Variants in CDH8 observed in about 807,000 individuals in gnomAD.
CDH8 encodes the protein cadherin-8.
In CDH8, 17 loss-of-function variants were observed where a neutral mutation model predicts 68.1. The observed-to-expected ratio is 0.25, with a 90% CI of 0.17 to 0.37. The LOEUF (loss-of-function observed/expected upper bound fraction) is 0.37, where lower values mean the gene tolerates loss of function less well. Ranked by LOEUF, CDH8 falls within the 10% of genes least tolerant of loss-of-function variation. The pLI is 1.00. For synonymous variants in CDH8, 372 were observed against 365.1 expected (o/e 1.02, Z -0.21); for missense variants, 763 against 999.3 (o/e 0.76, Z 3.19).
intron 10 of CDH8, among the ~76,000 whole-genome samples, chr16:61,700,037 G>A (rs1310704682): frequency 6.6e-6 from 1 of 152,006 alleles, no homozygotes; most frequent in East Asian, 1.9e-4. Flanking sequence ...AAGTTTTATT[G>A]TATTTAATTG....
chr16:61,939,419 T>C (rs1049966392), intron 2 of CDH8, among the ~76,000 whole-genome samples: 16 of 152,188 alleles, frequency 1.1e-4, no homozygotes, highest in African/African-American at 3.9e-4. Flanking sequence ...TGGGGAAGCA[T>C]TATTTTTCCT....
chr16:61,810,763 C>G (rs554288578), intron 7 of CDH8, among the ~76,000 whole-genome samples: 1 of 152,206 alleles, frequency 6.6e-6, no homozygotes, highest in South Asian at 2.1e-4. Flanking sequence ...GTAGCTCACG[C>G]CTGTAATCCA....
At chr16:62,005,371 G>C (rs146796695) in intron 2 of CDH8, among the ~76,000 whole-genome samples, 5 of 152,270 alleles carry the variant, frequency 3.3e-5, no homozygotes, top group Admixed American at 2.0e-4. Flanking sequence ...CTATGTTAAA[G>C]AGTACCATCT....
intron 3 of CDH8, among the ~76,000 whole-genome samples, chr16:61,872,412 G>T (rs529747229): frequency 1.8e-4 from 28 of 152,242 alleles, no homozygotes; most frequent in Non-Finnish European, 3.7e-4. Flanking sequence ...AATCCAGAAA[G>T]GTGGGACAAC....
At chr16:61,914,399 G>C (rs1054406839) in intron 2 of CDH8, among the ~76,000 whole-genome samples, 2 of 152,152 alleles carry the variant, frequency 1.3e-5, no homozygotes, top group African/African-American at 4.8e-5. Context: ...TGGTAGGTGG[G>C]ATAGTATCCA....
intron 2 of CDH8, among the ~76,000 whole-genome samples, chr16:61,945,275 C>A (rs1328817484): frequency 1.3e-5 from 2 of 152,070 alleles, no homozygotes; most frequent in East Asian, 1.9e-4. Context: ...GAAATGCACT[C>A]TATCTTTGTT....
chr16:61,816,346 AC>A (rs1043369621), intron 7 of CDH8, among the ~76,000 whole-genome samples: 92 of 152,314 alleles, frequency 6.0e-4, no homozygotes, highest in African/African-American at 2.2e-3. Context: ...CTTGTGAGTA[AC>A]AGGAATTTAA....
chr16:61,929,417 T>C (rs188525762), intron 2 of CDH8, among the ~76,000 whole-genome samples: 3 of 152,254 alleles, frequency 2.0e-5, no homozygotes, highest in African/African-American at 7.2e-5. Flanking sequence ...TTGGGCTAGG[T>C]GTTTTCATTC....
intron 10 of CDH8, among the ~76,000 whole-genome samples, chr16:61,661,714 A>T (rs540989392): frequency 6.6e-6 from 1 of 151,778 alleles, no homozygotes; most frequent in Non-Finnish European, 1.5e-5. Flanking sequence ...GCCTAAGGCA[A>T]TCAGAAGAAA....
chr16:61,982,175 A>G (rs1335961970), intron 2 of CDH8, among the ~76,000 whole-genome samples: 2 of 152,134 alleles, frequency 1.3e-5, no homozygotes, highest in Non-Finnish European at 2.9e-5. Flanking sequence ...ATATTCCCTG[A>G]GCAAGAAACA....
intron 9 of CDH8, among the ~76,000 whole-genome samples, chr16:61,724,769 GAGTC>G (rs1959298557): frequency 6.6e-6 from 1 of 150,876 alleles, no homozygotes; most frequent in Admixed American, 6.6e-5. Context: ...GTTCCATAGT[GAGTC>G]AGTCATTTGT....
At chr16:61,905,236 G>A (rs1035999893) in intron 2 of CDH8, among the ~76,000 whole-genome samples, 4 of 152,258 alleles carry the variant, frequency 2.6e-5, no homozygotes, top group Non-Finnish European at 5.9e-5. Context: ...TCAGCTGGCT[G>A]TAGTACAATA....
At chr16:61,685,404 T>G (rs1964088234) in intron 10 of CDH8, among the ~76,000 whole-genome samples, 1 of 151,846 alleles carries the variant, frequency 6.6e-6, no homozygotes. Context: ...AATCAACCAT[T>G]CAGATATCTG....
At position 61,647,471 on chromosome 16, in the gene CDH8, G is replaced by C. The variant is rs952189590; in HGVS notation, c.*6137C>G. On this transcript the variant is annotated 3_prime_UTR_variant, in exon 12 of 12. Transcript: ENST00000577390. ...AAAGCAGAGTAACGTTGGAAAGGTGGGGGGGGTGATCCCAGTGACTCCTAA... is the reference window on the plus strand; with the variant it reads ...AAAGCAGAGTAACGTTGGAAAGGTGCGGGGGGTGATCCCAGTGACTCCTAA... 3.1e-4 allele frequency: 29 copies of C among 92,692 alleles called. 1 individual carries two copies. The highest frequency in any genetic ancestry group is 3.5e-4 in the African/African-American group (1 of 2,864). The allele number at this position is 92,692 out of a possible 1,614,324, so 5.7% of individuals were successfully genotyped here. A position where few individuals can be genotyped will look rare whatever the true frequency, so the allele number is the denominator to read the frequency against.
chr16:61,963,907 G>A (rs1965201398), intron 2 of CDH8, among the ~76,000 whole-genome samples: 1 of 152,124 alleles, frequency 6.6e-6, no homozygotes, highest in African/African-American at 2.4e-5. Flanking sequence ...AAAAGAAGCA[G>A]CCAATGGCAA....
intron 10 of CDH8, among the ~76,000 whole-genome samples, chr16:61,699,893 G>A (rs1304962583): frequency 2.0e-5 from 3 of 152,034 alleles, no homozygotes; most frequent in Non-Finnish European, 4.4e-5. Context: ...CATTATTCTT[G>A]TACTGAAGTT....
chr16:61,791,301 G>A (rs1467400812), intron 7 of CDH8, among the ~76,000 whole-genome samples: 1 of 151,874 alleles, frequency 6.6e-6, no homozygotes, highest in Admixed American at 6.6e-5. Context: ...ATGAGGATGT[G>A]TTTATTGCAA....
chr16:61,678,849 A>G (rs12445277), intron 10 of CDH8, among the ~76,000 whole-genome samples: 4,977 of 152,110 alleles, frequency 0.033, 340 homozygotes, highest in East Asian at 0.27. Flanking sequence ...TGGCTTCTTT[A>G]TCTTCGACCA....
chr16:61,687,552 A>G (rs1964133204), intron 10 of CDH8, among the ~76,000 whole-genome samples: 1 of 151,998 alleles, frequency 6.6e-6, no homozygotes, highest in South Asian at 2.1e-4. Context: ...GATGCTATCA[A>G]TTTAAATATA....
Sources: gnomAD v4.1 joint callset for allele counts (sites outside exome capture counted in the v4.1 genomes callset) on GRCh38, gnomAD v4.1.1 for gene constraint, MANE v1.5 for transcripts, NCBI Gene and HGNC (gene_info 2026-07-23, HGNC 2026-07-21) for gene names.